The following DPYSL2 variants were observed in gnomAD, a reference collection of about 807,000 sequenced individuals.
DPYSL2 encodes the protein dihydropyrimidinase like 2.
Under a neutral mutation model 69.9 loss-of-function variants are expected in DPYSL2, and 13 were observed. The ratio of observed to expected loss-of-function variants is 0.19; its 90% CI spans 0.12 to 0.30. The LOEUF is 0.30. DPYSL2 is among the 10% of genes least tolerant of loss of function. The pLI, the probability that DPYSL2 is intolerant of heterozygous loss-of-function variation, is 1.00. For synonymous variants in DPYSL2, 326 were observed against 359.1 expected, an observed-to-expected ratio of 0.91 and a Z score of 1.04; for missense variants, 587 against 918.9, an observed-to-expected ratio of 0.64 and a Z score of 4.67.
chr8:26,576,685 CAGG>C (rs1444613574), intron 1 of DPYSL2, among the ~76,000 whole-genome samples: 1 of 152,254 alleles, frequency 6.6e-6, no homozygotes, highest in Non-Finnish European at 1.5e-5. Flanking sequence ...CCTGGGCAGT[CAGG>C]ACACTCTTGA....
Position 26,648,897 on chromosome 8 carries a change from G to A in DPYSL2, c.1596+1097G>A, listed in dbSNP as rs183750283. Among the ~76,000 whole-genome samples, 1 of 152,320 alleles carries A rather than the reference G, an allele frequency of 6.6e-6. No homozygotes were observed. The highest frequency in any genetic ancestry group is 1.9e-4 in the East Asian group (1 of 5,172). On this transcript the variant is annotated intron_variant, in intron 11 of 13. Transcript: ENST00000521913. The surrounding 1 kb of genome is among the most constrained non-coding windows in gnomAD (Gnocchi z 4.3). ...TTCTCAGAAGACTGTTCAAGTCTGTGTTTAAAGCTGTCTTTCTCCCTCTCC... is the reference window on the plus strand; with the variant it reads ...TTCTCAGAAGACTGTTCAAGTCTGTATTTAAAGCTGTCTTTCTCCCTCTCC...
At chr8:26,523,603 C>T (rs781362093) in intron 1 of DPYSL2, among the ~76,000 whole-genome samples, 10 of 152,094 alleles carry the variant, frequency 6.6e-5, no homozygotes, top group Non-Finnish European at 1.2e-4. Flanking sequence ...TTTCACTTAG[C>T]ATAATGTCCT....
At chr8:26,542,243 G>A (rs753202217) in intron 1 of DPYSL2, among the ~76,000 whole-genome samples, 14 of 152,102 alleles carry the variant, frequency 9.2e-5, no homozygotes, top group Non-Finnish European at 1.6e-4. Flanking sequence ...AGCCAAGCTA[G>A]CAACTGAACT....
chr8:26,605,982 G>T lies in DPYSL2; in HGVS notation c.629-18161G>T, dbSNP rs1307755774. Among the ~76,000 whole-genome samples the T allele has an allele frequency of 6.6e-6, 1 of 152,000 alleles. No homozygotes were observed. Among genetic ancestry groups the T allele is most frequent in the Admixed American group, 6.6e-5 (1 of 15,254 alleles). On this transcript the variant is annotated intron_variant, in intron 3 of 13. Coordinates refer to ENST00000521913, the MANE Select transcript of DPYSL2 (RefSeq NM_001197293.3). This position sits in a 1 kb window ranked among gnomAD's most constrained non-coding sequence, Gnocchi z 4.1. Reference sequence around the variant, plus strand: ...AGGTGAAAGATTAAACAGGTGATAAGAACCAAAAAATATTCAAAAAGGTCA... The same window carrying T: ...AGGTGAAAGATTAAACAGGTGATAATAACCAAAAAATATTCAAAAAGGTCA...
In DPYSL2 at chr8:26,643,580, A is replaced by G. The variant is rs1377582691; in HGVS notation, c.1268A>G (p.Asn423Ser). 1 of 1,613,206 alleles carries G rather than the reference A, an allele frequency of 6.2e-7. No individual in the cohort carries two copies. Among genetic ancestry groups the G allele is most frequent in the South Asian group, 1.1e-5 (1 of 91,012 alleles). ...SPDPTTPDFLNSLLSCGDLQV... is the reference protein window; with the variant it reads ...SPDPTTPDFLSSLLSCGDLQV... ...GATCCAACCACTCCAGACTTTCTCAACTCCTTGCTGTCCTGGTGAGTCCTG... is the reference window on the plus strand; with the variant it reads ...GATCCAACCACTCCAGACTTTCTCAGCTCCTTGCTGTCCTGGTGAGTCCTG... Residue 423 changes from asparagine to serine, a missense_variant, in exon 9 of 14, where the codon AAC becomes AGC. Transcript: ENST00000521913. The surrounding 1 kb of genome is among the most constrained non-coding windows in gnomAD (Gnocchi z 6.5).
chr8:26,549,330 C>T (rs1232848058), intron 1 of DPYSL2, among the ~76,000 whole-genome samples: 6 of 151,780 alleles, frequency 4.0e-5, no homozygotes, highest in Admixed American at 1.3e-4. Context: ...AAAGAATCAG[C>T]GAGCTTGAAG....
rs1801048304 is a variant in DPYSL2 at position 26,560,105 on chromosome 8, C to A, written c.355-21864C>A. On this transcript the variant is annotated intron_variant, in intron 1 of 13. Coordinates refer to ENST00000521913, the MANE Select transcript of DPYSL2 (RefSeq NM_001197293.3). This position sits in a 1 kb window ranked among gnomAD's most constrained non-coding sequence, Gnocchi z 4.4. ...TGTTAAAAGAAATAATGCAGATATG[C>A]TAAGCAGAGTTGGTTTAGCAGAAGA... Among the ~76,000 whole-genome samples the A allele has an allele frequency of 1.3e-5, 2 of 152,216 alleles. No individual in the cohort carries two copies. The highest frequency in any genetic ancestry group is 4.1e-4 in the South Asian group (2 of 4,830).
chr8:26,514,356 G>A lies in DPYSL2; in HGVS notation c.31G>A (p.Ala11Thr). The A allele has an allele frequency of 6.7e-7, 1 of 1,483,054 alleles. No homozygotes were observed. The highest frequency in any genetic ancestry group is 8.9e-7 in the Non-Finnish European group (1 of 1,121,788). 91.9% of individuals were successfully genotyped at this position (1,483,054 alleles called of 1,614,324 possible). A position where few individuals can be genotyped will look rare whatever the true frequency, so the allele number is the denominator to read the frequency against. MAERKQSGKA[A>T]EDEEVPAFFK... is the part of the protein sequence containing the mutation. ...CGAGAGAAAGCAATCCGGGAAGGCG[G>A]CAGAGGACGAAGAGGTCCCTGCTTT... The change falls in exon 1 of 14, where the codon GCA becomes ACA. Residue 11 changes from alanine to threonine, a missense_variant. By Grantham distance (58) the Ala-to-Thr change is moderately conservative (BLOSUM62 0). Around this residue, in one of 3 missense-constraint regions of DPYSL2, gnomAD observed 50 missense variants for 86.8 expected, o/e 0.58. Transcript: ENST00000521913. This position sits in a 1 kb window ranked among gnomAD's most constrained non-coding sequence, Gnocchi z 8.4.
chr8:26,624,116 T>C lies in DPYSL2; in HGVS notation c.629-27T>C. The stretch of plus-strand genomic sequence containing the variant: ...CCACGGCCCTTGAGGCTCTTGGTGA[T>C]GATGACATATGTCTGTTTCTTTCTA... On this transcript the variant is annotated intron_variant, in intron 3 of 13. Transcript: ENST00000521913. This position sits in a 1 kb window ranked among gnomAD's most constrained non-coding sequence, Gnocchi z 4.7. 6.2e-7 allele frequency: 1 copy of C among 1,613,220 alleles called. No individual in the cohort carries two copies. The highest frequency in any genetic ancestry group is 8.5e-7 in the Non-Finnish European group (1 of 1,179,384).
chr8:26,602,202 TA>T (rs955499730), intron 3 of DPYSL2, among the ~76,000 whole-genome samples: 2 of 150,906 alleles, frequency 1.3e-5, no homozygotes, highest in African/African-American at 4.9e-5. Context: ...GCGTATTAGA[TA>T]ATATTATTAA....
At chr8:26,535,609 A>G (rs1311659798) in intron 1 of DPYSL2, among the ~76,000 whole-genome samples, 1 of 150,848 alleles carries the variant, frequency 6.6e-6, no homozygotes, top group East Asian at 1.9e-4. Flanking sequence ...TTTATACAAA[A>G]CAGACTGATA....
At position 26,626,669 on chromosome 8, in the gene DPYSL2, G is replaced by C. The variant is rs375621551; in HGVS notation, c.846G>C (p.Thr282=). Residue 282 remains threonine, a synonymous_variant, in exon 5 of 14, where the codon ACG becomes ACC. Coordinates refer to ENST00000521913, the MANE Select transcript of DPYSL2 (RefSeq NM_001197293.3). The surrounding 1 kb of genome is among the most constrained non-coding windows in gnomAD (Gnocchi z 4.3). ...CTTTCAAAGATCGCTTCCAGCTAAC[G>C]GATTGCCAGGTAAGAAAGTCGGCTT... is the stretch of plus-strand genomic sequence containing the variant. ...YMAFKDRFQL[T]DCQIYEVLSV... 1 of 1,614,010 alleles carries C rather than the reference G, an allele frequency of 6.2e-7. No homozygotes were observed. Among genetic ancestry groups the C allele is most frequent in the African/African-American group, 1.3e-5 (1 of 74,910 alleles).
intron 1 of DPYSL2, among the ~76,000 whole-genome samples, chr8:26,548,760 T>C (rs1800824177): frequency 6.6e-6 from 1 of 150,942 alleles, no homozygotes; most frequent in Admixed American, 6.6e-5. Context: ...ATGCCTGTGG[T>C]CCCAGCTACT....
chr8:26,623,972 C>G, intron 3 of DPYSL2, 171 bp from the exon 4 acceptor site: 1 of 671,478 alleles, frequency 1.5e-6, no homozygotes, highest in Non-Finnish European at 2.5e-6. Context: ...TCTGCTTTCT[C>G]CCTCTTGGAT....
In DPYSL2 at chr8:26,591,376, A is replaced by G. The variant is rs1293002366; in HGVS notation, c.628+7393A>G. On this transcript the variant is annotated intron_variant, in intron 3 of 13. Coordinates refer to ENST00000521913, the MANE Select transcript of DPYSL2 (RefSeq NM_001197293.3). This position sits in a 1 kb window ranked among gnomAD's most constrained non-coding sequence, Gnocchi z 5.8. ...CAGTGGTCGGGTCTCAGGGTTCCTT[A>G]TTGCTAGATGAAAGCTTCCACGACA... Among the ~76,000 whole-genome samples the G allele has an allele frequency of 6.6e-6, 1 of 152,240 alleles. No individual in the cohort carries two copies. The highest frequency in any genetic ancestry group is 1.9e-4 in the East Asian group (1 of 5,162).
chr8:26,557,705 T>G (rs1223396688), intron 1 of DPYSL2, among the ~76,000 whole-genome samples: 1 of 150,270 alleles, frequency 6.7e-6, no homozygotes, highest in Admixed American at 6.6e-5. Context: ...ATGTGAATCA[T>G]TTGAACCTGG....
chr8:26,643,335 A>G lies in DPYSL2; in HGVS notation c.1127-104A>G. 8.1e-7 allele frequency: 1 copy of G among 1,232,772 alleles called. No individual in the cohort carries two copies. Among genetic ancestry groups the G allele is most frequent in the Non-Finnish European group, 1.1e-6 (1 of 887,218 alleles). 76.4% of individuals were successfully genotyped at this position (1,232,772 alleles called of 1,614,324 possible). On this transcript the variant is annotated intron_variant, in intron 8 of 13. Transcript: ENST00000521913. This position sits in a 1 kb window ranked among gnomAD's most constrained non-coding sequence, Gnocchi z 6.5. The stretch of plus-strand genomic sequence containing the variant: ...AGCCTGATATTTCCTATAAAGGGAT[A>G]GTGAGTGCACTGGGTGCTGCTGGGC...
intron 1 of DPYSL2, among the ~76,000 whole-genome samples, chr8:26,529,617 T>C (rs990650222): frequency 4.5e-4 from 68 of 152,196 alleles, no homozygotes; most frequent in African/African-American, 1.6e-3. Flanking sequence ...GTGCTGCCTA[T>C]AATTTTTCTT....
intron 3 of DPYSL2, among the ~76,000 whole-genome samples, chr8:26,622,179 T>G (rs1175946319): frequency 7.7e-6 from 1 of 129,934 alleles, no homozygotes; most frequent in Non-Finnish European, 1.7e-5. Flanking sequence ...CTTTCTTTCT[T>G]TCTTTCTTTT....
Sources: gnomAD v4.1 joint callset for allele counts (sites outside exome capture counted in the v4.1 genomes callset) on GRCh38, gnomAD v4.1.1 for gene constraint, gnomAD v4.1.1 regional missense constraint, Gnocchi (gnomAD v3.1) non-coding constraint, MANE v1.5 for transcripts, NCBI Gene and HGNC (gene_info 2026-07-23, HGNC 2026-07-21) for gene names.